The following LRMDA variants were observed in gnomAD, a reference collection of about 807,000 sequenced individuals.
The protein encoded by LRMDA is leucine-rich melanocyte differentiation-associated protein.
LRMDA carries 18 observed loss-of-function variants against 29.8 expected under a neutral mutation model. The ratio of observed to expected loss-of-function variants is 0.60; its 90% CI spans 0.42 to 0.90. The LOEUF is 0.90. Ranked by LOEUF, LRMDA falls within the 40% of genes least tolerant of loss-of-function variation. LRMDA has a pLI of 0.00. For synonymous variants in LRMDA, 125 were observed against 109.4 expected (o/e 1.14, Z -0.89); for missense variants, 273 against 273.9 (o/e 1.00, Z 0.02).
At chr10:76,476,879 T>A (rs1842678964) in intron 6 of LRMDA, among the ~76,000 whole-genome samples, 1 of 152,112 alleles carries the variant, frequency 6.6e-6, no homozygotes, top group Non-Finnish European at 1.5e-5. Flanking sequence ...CTCAATAAAT[T>A]AGTTATTGAT....
chr10:75,874,605 C>T (rs142689675), intron 2 of LRMDA, among the ~76,000 whole-genome samples: 79 of 152,240 alleles, frequency 5.2e-4, no homozygotes, highest in African/African-American at 1.8e-3. Context: ...CCTAAAGTCA[C>T]AGTGCTAATA....
intron 5 of LRMDA, among the ~76,000 whole-genome samples, chr10:76,145,059 A>G (rs983672869): frequency 2.6e-5 from 4 of 152,166 alleles, no homozygotes; most frequent in African/African-American, 9.7e-5. Context: ...ATCATGGAGG[A>G]TAAGCTTTTT....
intron 5 of LRMDA, among the ~76,000 whole-genome samples, chr10:76,220,359 T>G (rs2132256777): frequency 6.6e-6 from 1 of 151,252 alleles, no homozygotes; most frequent in Non-Finnish European, 1.5e-5. Context: ...TCAACAAAAT[T>G]GATAGACCAC....
chr10:76,464,200 T>A (rs1842541500), intron 6 of LRMDA, among the ~76,000 whole-genome samples: 2 of 152,080 alleles, frequency 1.3e-5, no homozygotes, highest in South Asian at 4.2e-4. Context: ...ATTACAGGTG[T>A]AAGCCGCTGC....
chr10:76,515,916 C>T (rs990400279), intron 6 of LRMDA, among the ~76,000 whole-genome samples: 1 of 152,106 alleles, frequency 6.6e-6, no homozygotes, highest in Non-Finnish European at 1.5e-5. Flanking sequence ...AGAAAAATGC[C>T]AAGCTGAAAT....
At chr10:75,946,659 A>C (rs575893087) in intron 2 of LRMDA, among the ~76,000 whole-genome samples, 1 of 152,338 alleles carries the variant, frequency 6.6e-6, no homozygotes, top group East Asian at 1.9e-4. Flanking sequence ...AAATGGAAAC[A>C]GTAAATATTT....
rs534926458 is a variant in LRMDA, at chr10:76,242,211, A to T, written c.517-82190A>T. The T allele has an allele frequency of 3.3e-5, 5 of 152,222 alleles. No homozygotes were observed. The East Asian group carries it at 9.7e-4, about 30-fold the overall frequency. 9.4% of individuals were successfully genotyped at this position (152,222 alleles called of 1,614,324 possible). Reference sequence around the variant, plus strand: ...CATATTGATGCTGAACTTAGTGTGGACACCCAATCAGCATAGCTCACTACA... The same window carrying T: ...CATATTGATGCTGAACTTAGTGTGGTCACCCAATCAGCATAGCTCACTACA... On this transcript the variant is annotated intron_variant, in intron 5 of 6. Transcript: ENST00000611255.
At chr10:75,872,973 CAATA>C (rs1845138899) in intron 2 of LRMDA, among the ~76,000 whole-genome samples, 1 of 152,106 alleles carries the variant, frequency 6.6e-6, no homozygotes, top group Admixed American at 6.5e-5. Flanking sequence ...GCCCTGCAAT[CAATA>C]AATATCTGTT....
chr10:76,169,056 G>A (rs1850789255), intron 5 of LRMDA, among the ~76,000 whole-genome samples: 1 of 152,290 alleles, frequency 6.6e-6, no homozygotes, highest in South Asian at 2.1e-4. Context: ...CATATTATGG[G>A]GAGTTAAGAA....
At chr10:76,033,625 A>T (rs1263765713) in intron 2 of LRMDA, among the ~76,000 whole-genome samples, 1 of 152,158 alleles carries the variant, frequency 6.6e-6, no homozygotes, top group Non-Finnish European at 1.5e-5. Context: ...AGAAGAATCT[A>T]ATATTTGCAT....
At chr10:76,323,299 C>G (rs74148422) in intron 5 of LRMDA, among the ~76,000 whole-genome samples, 3,249 of 152,148 alleles carry the variant, frequency 0.021, 128 homozygotes, top group African/African-American at 0.072. Context: ...GGTCTAATCT[C>G]CTACTTAGTT....
chr10:75,526,330 G>T (rs1845411998), intron 2 of LRMDA, among the ~76,000 whole-genome samples: 1 of 152,042 alleles, frequency 6.6e-6, no homozygotes, highest in Admixed American at 6.6e-5. Context: ...CTCCCAAAGT[G>T]CTGGGATTAC....
intron 5 of LRMDA, among the ~76,000 whole-genome samples, chr10:76,283,924 CCAAA>C (rs1338747616): frequency 1.3e-5 from 2 of 152,140 alleles, no homozygotes; most frequent in Non-Finnish European, 2.9e-5. Flanking sequence ...CCTCAGCCTC[CCAAA>C]CAGTTGGGAC....
At chr10:75,737,541 T>C (rs189558548) in intron 2 of LRMDA, among the ~76,000 whole-genome samples, 24 of 152,352 alleles carry the variant, frequency 1.6e-4, no homozygotes, top group African/African-American at 5.8e-4. Flanking sequence ...GGGGTATCAA[T>C]GCTATATTTA....
chr10:75,955,144 A>G (rs544157465), intron 2 of LRMDA, among the ~76,000 whole-genome samples: 32 of 152,360 alleles, frequency 2.1e-4, no homozygotes, highest in African/African-American at 6.7e-4. Flanking sequence ...CACATTGGTT[A>G]TCTTGTAAGA....
At chr10:75,962,325 T>C (rs906579271) in intron 2 of LRMDA, among the ~76,000 whole-genome samples, 4 of 152,174 alleles carry the variant, frequency 2.6e-5, no homozygotes, top group Non-Finnish European at 4.4e-5. Flanking sequence ...GCTTGCAAAG[T>C]GGGGTCCCCA....
At chr10:76,348,585 C>T (rs373724218) in intron 6 of LRMDA, among the ~76,000 whole-genome samples, 1 of 152,310 alleles carries the variant, frequency 6.6e-6, no homozygotes. Context: ...TAGTCCTTTC[C>T]ACCATGTGGT....
intron 2 of LRMDA, among the ~76,000 whole-genome samples, chr10:75,535,799 T>G (rs773073719): frequency 6.6e-6 from 1 of 152,184 alleles, no homozygotes; most frequent in Non-Finnish European, 1.5e-5. Flanking sequence ...AGGTTCCGGA[T>G]GCCCCCTGCC....
chr10:76,074,552 C>T (rs563234687), intron 5 of LRMDA, among the ~76,000 whole-genome samples: 3 of 152,142 alleles, frequency 2.0e-5, no homozygotes, highest in Non-Finnish European at 4.4e-5. Flanking sequence ...TTCCACCCCC[C>T]TCCCAGTTAT....
Sources: allele counts gnomAD v4.1 joint callset (sites outside exome capture counted in the v4.1 genomes callset), GRCh38; gene constraint gnomAD v4.1.1; transcripts MANE v1.5; gene names NCBI Gene and HGNC (gene_info 2026-07-23, HGNC 2026-07-21).